MAPKAP1: variants seen among roughly 807,000 people sequenced by gnomAD.
MAPKAP1 encodes the protein target of rapamycin complex 2 subunit MAPKAP1.
Under a neutral mutation model 65.7 loss-of-function variants are expected in MAPKAP1, and 20 were observed. That is an observed-to-expected ratio of 0.30 (90% CI 0.21 to 0.44). MAPKAP1 has a LOEUF of 0.44. Among genes scored for constraint, MAPKAP1 ranks in the 20% least tolerant of loss-of-function variants. The probability of loss-of-function intolerance (pLI) is 1.00; values close to 1 mark genes in which losing one functional copy is unlikely to be tolerated. For missense variants in MAPKAP1, 423 were observed against 648.0 expected, an observed-to-expected ratio of 0.65 and a Z score of 3.77; for synonymous variants, 222 against 244.3, an observed-to-expected ratio of 0.91 and a Z score of 0.85.
At chr9:125,496,315 C>T (rs1854944557) in intron 8 of MAPKAP1, among the ~76,000 whole-genome samples, 1 of 152,342 alleles carries the variant, frequency 6.6e-6, no homozygotes, top group Non-Finnish European at 1.5e-5. Flanking sequence ...GATAAAAATC[C>T]TCACCCTACA....
At chr9:125,667,343 A>G (rs956321448) in intron 3 of MAPKAP1, among the ~76,000 whole-genome samples, 1 of 152,168 alleles carries the variant, frequency 6.6e-6, no homozygotes, top group African/African-American at 2.4e-5. Context: ...GGTTTGAGAC[A>G]CAGTCTCGCT....
At chr9:125,684,717 CCT>C (rs1834924230) in intron 1 of MAPKAP1, among the ~76,000 whole-genome samples, 1 of 152,152 alleles carries the variant, frequency 6.6e-6, no homozygotes, top group Non-Finnish European at 1.5e-5. Flanking sequence ...CCCTTCTTCC[CCT>C]GACTACCTCC....
chr9:125,459,854 GGGGAGA>G lies in MAPKAP1; in HGVS notation c.1345+8112_1345+8117del, dbSNP rs141623896. 2.4e-5 allele frequency among the ~76,000 whole-genome samples: 3 copies of G among 127,440 alleles called. No homozygotes were observed. In the East Asian group the frequency reaches 6.5e-4, roughly 28 times the overall value. The allele number at this position is 127,440 out of a possible 152,430, so 83.6% of individuals were successfully genotyped here. ...GGAAAGAGAGGGAGAGGGAGACCGTGGGGAGAGGGAGAGGGAGAGGGACGCATATGG... is the reference window on the plus strand; with the variant it reads ...GGAAAGAGAGGGAGAGGGAGACCGTGGGGAGAGGGAGAGGGACGCATATGG... On this transcript the variant is annotated intron_variant, in intron 10 of 11. Coordinates refer to ENST00000265960, the MANE Select transcript of MAPKAP1 (RefSeq NM_001006617.3).
chr9:125,487,401 A>G (rs1040246411), intron 8 of MAPKAP1, among the ~76,000 whole-genome samples: 1 of 152,224 alleles, frequency 6.6e-6, no homozygotes, highest in Non-Finnish European at 1.5e-5. Flanking sequence ...CTTCTTATAC[A>G]TGAGAATTGC....
intron 6 of MAPKAP1, chr9:125,559,026 G>A (rs1045277881): frequency 2.2e-4 from 33 of 152,218 alleles, no homozygotes; most frequent in African/African-American, 7.7e-4. Flanking sequence ...GTATACAGCT[G>A]GATATTGTTT....
At chr9:125,601,510 A>C (rs2131611266) in intron 4 of MAPKAP1, among the ~76,000 whole-genome samples, 1 of 152,360 alleles carries the variant, frequency 6.6e-6, no homozygotes, top group East Asian at 1.9e-4. Flanking sequence ...GATATAACTC[A>C]AAAATTTCAC....
In MAPKAP1 at chr9:125,599,210, A is replaced by G. The variant is rs534100052; in HGVS notation, c.499-13483T>C. Among the ~76,000 whole-genome samples the G allele has an allele frequency of 3.3e-5, 5 of 152,270 alleles. No individual in the cohort carries two copies. In the South Asian group the frequency reaches 1.0e-3, roughly 32 times the overall value. On this transcript the variant is annotated intron_variant, in intron 4 of 11. Coordinates refer to ENST00000265960, the MANE Select transcript of MAPKAP1 (RefSeq NM_001006617.3). ...GACTTTTGAAACTACAAGAAATCTG[A>G]AGGGTCATCCCCTTTGAAATATCAA...
At chr9:125,484,679 G>C (rs1256649167) in intron 8 of MAPKAP1, 96 bp from the exon 9 acceptor site, 5 of 1,237,472 alleles carry the variant, frequency 4.0e-6, no homozygotes, top group Non-Finnish European at 4.4e-6. Context: ...AATAATATGG[G>C]CTATTTAATT....
At chr9:125,662,412 G>C (rs928279115) in intron 3 of MAPKAP1, among the ~76,000 whole-genome samples, 1 of 152,152 alleles carries the variant, frequency 6.6e-6, no homozygotes, top group Non-Finnish European at 1.5e-5. Flanking sequence ...GACTGGGCAC[G>C]GTGGCTCACG....
chr9:125,606,810 G>A (rs961449681), intron 4 of MAPKAP1, among the ~76,000 whole-genome samples: 2 of 152,166 alleles, frequency 1.3e-5, no homozygotes, highest in Non-Finnish European at 1.5e-5. Context: ...AAGAAAACCC[G>A]AATCTTCTAC....
chr9:125,696,207 T>C (rs1267282997), intron 1 of MAPKAP1: 2 of 151,256 alleles, frequency 1.3e-5, no homozygotes, highest in Admixed American at 1.3e-4. Flanking sequence ...TAAAATAAAT[T>C]AAAACAGACC....
At chr9:125,563,892 T>C (rs1411806657) in intron 5 of MAPKAP1, among the ~76,000 whole-genome samples, 1 of 152,162 alleles carries the variant, frequency 6.6e-6, no homozygotes, top group Non-Finnish European at 1.5e-5. Flanking sequence ...TTTGTATTTT[T>C]AGTAGAGACA....
intron 10 of MAPKAP1, among the ~76,000 whole-genome samples, chr9:125,451,890 AC>A (rs1249861963): frequency 6.7e-6 from 1 of 149,136 alleles, no homozygotes; most frequent in African/African-American, 2.5e-5. Flanking sequence ...GCTCACTGCA[AC>A]CTCCGCCTCC....
intron 1 of MAPKAP1, among the ~76,000 whole-genome samples, chr9:125,689,711 C>T (rs1835106800): frequency 6.8e-6 from 1 of 146,396 alleles, no homozygotes; most frequent in African/African-American, 2.5e-5. Context: ...TGCACTCCAG[C>T]CTGGGCGACA....
chr9:125,442,660 G>A (rs1053440932), intron 11 of MAPKAP1, among the ~76,000 whole-genome samples: 2 of 151,952 alleles, frequency 1.3e-5, no homozygotes, highest in South Asian at 2.1e-4. Flanking sequence ...CTCGAAGCTC[G>A]CTGGCTGCAA....
At position 125,557,196 on chromosome 9, in the gene MAPKAP1, T is replaced by C. The variant is rs1193971633; in HGVS notation, c.848+2437A>G. Among the ~76,000 whole-genome samples, 3 of 152,138 alleles carry C rather than the reference T, an allele frequency of 2.0e-5. No individual in the cohort carries two copies. The East Asian group carries it at 5.8e-4, about 29-fold the overall frequency. ...TTCATAGTGAAACACTGTGTAGTCT[T>C]AGATGCCCCTCCTGGAAAGGCATAT... is the stretch of plus-strand genomic sequence containing the variant. On this transcript the variant is annotated intron_variant, in intron 6 of 11. Transcript: ENST00000265960.
chr9:125,521,501 A>T, intron 7 of MAPKAP1: 5 of 1,274,822 alleles, frequency 3.9e-6, no homozygotes, highest in Non-Finnish European at 4.9e-6. Flanking sequence ...TATTTTAAAC[A>T]ATTGTAAAAT....
At chr9:125,651,428 A>G (rs1833890236) in intron 4 of MAPKAP1, among the ~76,000 whole-genome samples, 2 of 151,970 alleles carry the variant, frequency 1.3e-5, no homozygotes, top group Admixed American at 1.3e-4. Flanking sequence ...AACATGGTGA[A>G]ACCCCATCTC....
At chr9:125,655,152 T>C (rs192587200) in intron 4 of MAPKAP1, among the ~76,000 whole-genome samples, 1 of 152,230 alleles carries the variant, frequency 6.6e-6, no homozygotes, top group African/African-American at 2.4e-5. Flanking sequence ...AGAAAACCCT[T>C]ACATTTGAGG....
Sources: gnomAD v4.1 joint callset for allele counts (sites outside exome capture counted in the v4.1 genomes callset) on GRCh38, gnomAD v4.1.1 for gene constraint, MANE v1.5 for transcripts, NCBI Gene and HGNC (gene_info 2026-07-23, HGNC 2026-07-21) for gene names.